Variants in HEMK2 observed in about 807,000 individuals in gnomAD.
The protein encoded by HEMK2 is methyltransferase HEMK2.
chr21:28,792,623 A>C, the HEMK2 span, among the ~76,000 whole-genome samples: 73 of 152,306 alleles, frequency 4.8e-4, no homozygotes, highest in African/African-American at 1.7e-3. Flanking sequence ...GACTTCCACA[A>C]GAATCCCCAA....
the HEMK2 span, among the ~76,000 whole-genome samples, chr21:28,797,486 GT>G: frequency 6.6e-6 from 1 of 151,902 alleles, no homozygotes; most frequent in African/African-American, 2.4e-5. Context: ...AATTAGCTGT[GT>G]GCCTGTGGTC....
the HEMK2 span, among the ~76,000 whole-genome samples, chr21:28,866,157 A>AAAAAG: frequency 1.9e-4 from 17 of 91,044 alleles, 2 homozygotes; most frequent in African/African-American, 7.6e-4. Flanking sequence ...AGAAAAAACA[A>AAAAAG]AAACAAACAA....
chr21:28,733,045 T>C, the HEMK2 span, among the ~76,000 whole-genome samples: 3 of 152,102 alleles, frequency 2.0e-5, no homozygotes, highest in African/African-American at 7.2e-5. Flanking sequence ...TTTGGGAGGC[T>C]GAGGCGGGTG....
the HEMK2 span, among the ~76,000 whole-genome samples, chr21:28,880,758 GAAAGA>G: frequency 4.7e-5 from 7 of 148,250 alleles, no homozygotes; most frequent in Non-Finnish European, 7.4e-5. Context: ...AAAAAAGAAA[GAAAGA>G]AATTTTTTAA....
At chr21:28,675,669 T>G in the HEMK2 span, among the ~76,000 whole-genome samples, 1 of 152,230 alleles carries the variant, frequency 6.6e-6, no homozygotes, top group Non-Finnish European at 1.5e-5. Context: ...GAACGCATAT[T>G]CTGACTTGGA....
At chr21:28,697,778 CA>C in the HEMK2 span, among the ~76,000 whole-genome samples, 2,246 of 79,524 alleles carry the variant, frequency 0.028, 19 homozygotes, top group Non-Finnish European at 0.033. Context: ...ATCATGAGCC[CA>C]AAAAAAAAAA....
chr21:28,628,895 G>A, the HEMK2 span, among the ~76,000 whole-genome samples: 1 of 152,150 alleles, frequency 6.6e-6, no homozygotes, highest in South Asian at 2.1e-4. Context: ...CACATCCCTG[G>A]TCATAATTTA....
At chr21:28,839,682 G>T in the HEMK2 span, among the ~76,000 whole-genome samples, 2 of 152,018 alleles carry the variant, frequency 1.3e-5, no homozygotes, top group Middle Eastern at 3.4e-3. Context: ...ACCTCTACAA[G>T]GAAAACTATA....
the HEMK2 span, among the ~76,000 whole-genome samples, chr21:28,608,792 C>G: frequency 6.6e-6 from 1 of 152,094 alleles, no homozygotes; most frequent in African/African-American, 2.4e-5. Flanking sequence ...CCAGCTTTCC[C>G]CCACTTTAAT....
At chr21:28,851,709 T>C in the HEMK2 span, among the ~76,000 whole-genome samples, 1 of 152,212 alleles carries the variant, frequency 6.6e-6, no homozygotes, top group African/African-American at 2.4e-5. Flanking sequence ...CCAATCAGTA[T>C]AATGTCATCA....
chr21:28,682,354 A>G, the HEMK2 span, among the ~76,000 whole-genome samples: 1 of 151,796 alleles, frequency 6.6e-6, no homozygotes, highest in African/African-American at 2.4e-5. Flanking sequence ...ACAATGAGAT[A>G]CCATCTCACA....
At chr21:28,882,193 G>C in the HEMK2 span, 2 of 1,592,180 alleles carry the variant, frequency 1.3e-6, no homozygotes, top group Non-Finnish European at 1.7e-6. Flanking sequence ...TGTGAACTTT[G>C]TTACAGCGTG....
the HEMK2 span, among the ~76,000 whole-genome samples, chr21:28,694,730 G>A: frequency 2.6e-5 from 4 of 152,076 alleles, no homozygotes; most frequent in Admixed American, 6.6e-5. Context: ...AGTGGCTCAC[G>A]CCTGTAATCC....
the HEMK2 span, among the ~76,000 whole-genome samples, chr21:28,764,486 C>G: frequency 6.6e-6 from 1 of 152,040 alleles, no homozygotes; most frequent in South Asian, 2.1e-4. Flanking sequence ...GAAAAAAAAG[C>G]TACAATGAAA....
chr21:28,626,999 C>T, the HEMK2 span, among the ~76,000 whole-genome samples: 1 of 152,262 alleles, frequency 6.6e-6, no homozygotes, highest in East Asian at 1.9e-4. Flanking sequence ...TGTACATTAA[C>T]AGCTGAATGA....
At chr21:28,736,821 G>A in the HEMK2 span, among the ~76,000 whole-genome samples, 1 of 151,840 alleles carries the variant, frequency 6.6e-6, no homozygotes, top group Non-Finnish European at 1.5e-5. Flanking sequence ...GAGACAGGCA[G>A]GTGCGAAAGA....
the HEMK2 span, among the ~76,000 whole-genome samples, chr21:28,840,930 A>G: frequency 4.2e-5 from 6 of 141,944 alleles, no homozygotes; most frequent in Non-Finnish European, 6.0e-5. Flanking sequence ...TTACAATTGC[A>G]AAATCGTGGA....
the HEMK2 span, among the ~76,000 whole-genome samples, chr21:28,680,895 C>A: frequency 3.3e-5 from 5 of 152,066 alleles, no homozygotes; most frequent in Non-Finnish European, 5.9e-5. Context: ...ATTGATGGGA[C>A]GTATCTCAAA....
chr21:28,696,663 G>A, the HEMK2 span, among the ~76,000 whole-genome samples: 3 of 152,152 alleles, frequency 2.0e-5, no homozygotes, highest in African/African-American at 4.8e-5. Context: ...TAAGAACTCT[G>A]TTTGAGGACT....
Sources: allele counts gnomAD v4.1 joint callset (sites outside exome capture counted in the v4.1 genomes callset), GRCh38; gene constraint gnomAD v4.1.1; transcripts MANE v1.5; gene names NCBI Gene and HGNC (gene_info 2026-07-23, HGNC 2026-07-21).